FRS2: variants seen among roughly 807,000 people sequenced by gnomAD.
The protein encoded by FRS2 is FGFR signalling adaptor.
In FRS2, 8 loss-of-function variants were observed where a neutral mutation model predicts 43.9. The observed-to-expected ratio is 0.18, with a 90% CI of 0.11 to 0.33. The LOEUF is 0.33. Ranked by LOEUF, FRS2 falls within the 10% of genes least tolerant of loss-of-function variation. The probability of loss-of-function intolerance (pLI) is 1.00; values close to 1 mark genes in which losing one functional copy is unlikely to be tolerated. For missense variants in FRS2, 534 were observed against 627.6 expected, an observed-to-expected ratio of 0.85 and a Z score of 1.59; for synonymous variants, 219 against 220.3, an observed-to-expected ratio of 0.99 and a Z score of 0.05.
At chr12:69,559,523 A>G (rs1879707106) in intron 3 of FRS2, among the ~76,000 whole-genome samples, 1 of 152,140 alleles carries the variant, frequency 6.6e-6, no homozygotes, top group Admixed American at 6.6e-5. Flanking sequence ...TGGATGCTTA[A>G]AAATAGTCAC....
At chr12:69,495,265 A>C (rs1411332036) in intron 1 of FRS2, among the ~76,000 whole-genome samples, 1 of 152,200 alleles carries the variant, frequency 6.6e-6, no homozygotes, top group Non-Finnish European at 1.5e-5. Context: ...TGCTAAATAA[A>C]TACTTGCTAA....
intron 4 of FRS2, among the ~76,000 whole-genome samples, chr12:69,563,140 A>G (rs1322798899): frequency 3.3e-5 from 5 of 152,208 alleles, no homozygotes; most frequent in Non-Finnish European, 5.9e-5. Context: ...AGTGTTTACA[A>G]TATTAATGCA....
intron 1 of FRS2, among the ~76,000 whole-genome samples, chr12:69,481,538 C>T (rs189370679): frequency 4.6e-5 from 7 of 152,188 alleles, no homozygotes; most frequent in South Asian, 4.2e-4. Flanking sequence ...TATCCTGTCT[C>T]GGCCTCCCAA....
At chr12:69,572,617 C>T (rs1033154968) in intron 8 of FRS2, among the ~76,000 whole-genome samples, 1 of 152,116 alleles carries the variant, frequency 6.6e-6, no homozygotes, top group African/African-American at 2.4e-5. Flanking sequence ...CCATTATAGT[C>T]AGTGAACTAC....
intron 1 of FRS2, among the ~76,000 whole-genome samples, chr12:69,494,894 C>T (rs1398149744): frequency 6.6e-6 from 1 of 152,148 alleles, no homozygotes; most frequent in Non-Finnish European, 1.5e-5. Flanking sequence ...CTGTCTCAAC[C>T]TCCCGAGTAG....
At position 69,574,146 on chromosome 12, in the gene FRS2, C is replaced by T. The variant is rs764413571; in HGVS notation, c.718C>T (p.Pro240Ser). The T allele has an allele frequency of 1.6e-5, 26 of 1,613,912 alleles. No individual in the cohort carries two copies. In the East Asian group the frequency reaches 5.8e-4, roughly 36 times the overall value. ...EEPSSIEDRD[P>S]QILLEPEGVK... is the part of the protein sequence containing the mutation. ...ACCAAGTAGTATTGAGGACAGGGAT[C>T]CTCAGATTCTTCTTGAACCTGAAGG... Residue 240 changes from proline to serine, a missense_variant, in exon 9 of 9, where the codon CCT becomes TCT. This residue lies in a region of FRS2 where 446 missense variants were observed against 494.2 expected (regional missense o/e 0.90). Transcript: ENST00000549921.
chr12:69,564,983 A>G lies in FRS2; in HGVS notation c.-27+2709A>G, dbSNP rs187151286. 1.7e-3 allele frequency among the ~76,000 whole-genome samples: 256 copies of G among 152,258 alleles called. 1 individual carries two copies. The highest frequency in any genetic ancestry group is 5.4e-3 in the African/African-American group (225 of 41,552). The stretch of plus-strand genomic sequence containing the variant: ...TAGGTTGCACTGCCACTCATATATC[A>G]CTTAATGGTGGAGATTCCTTCTGAG... On this transcript the variant is annotated intron_variant, in intron 4 of 8. Transcript: ENST00000549921.
At chr12:69,491,034 C>T (rs1872430601) in intron 1 of FRS2, among the ~76,000 whole-genome samples, 1 of 152,236 alleles carries the variant, frequency 6.6e-6, no homozygotes, top group Non-Finnish European at 1.5e-5. Flanking sequence ...TTTCTGTCTA[C>T]TAGGTCCCAT....
chr12:69,491,462 G>A (rs1872477774), intron 1 of FRS2: 1 of 149,346 alleles, frequency 6.7e-6, no homozygotes, highest in Non-Finnish European at 1.5e-5. Flanking sequence ...TTCCTTTTTT[G>A]GTGGACATTA....
In FRS2 at chr12:69,574,872, A is replaced by G. The variant is rs1026016008; in HGVS notation, c.1444A>G (p.Met482Val). The G allele has an allele frequency of 1.7e-5, 27 of 1,613,972 alleles. No individual in the cohort carries two copies. The highest frequency in any genetic ancestry group is 2.3e-5 in the Non-Finnish European group (27 of 1,179,918). Residue 482 changes from methionine (M) to valine (V), a missense_variant, in exon 9 of 9, where the codon ATG becomes GTG. This residue lies in a region of FRS2 where 446 missense variants were observed against 494.2 expected (regional missense o/e 0.90). Coordinates refer to ENST00000549921, the MANE Select transcript of FRS2 (RefSeq NM_001278356.2). ...AVIDIERTAAMSNLQKALPRD... is the reference protein window; with the variant it reads ...AVIDIERTAAVSNLQKALPRD... ...GATAGACATCGAGAGAACTGCTGCT[A>G]TGTCAAATTTGCAGAAAGCACTGCC...
At chr12:69,474,474 A>G (rs1166127557) in intron 1 of FRS2, among the ~76,000 whole-genome samples, 1 of 152,240 alleles carries the variant, frequency 6.6e-6, no homozygotes, top group African/African-American at 2.4e-5. Context: ...AACAGAAGGA[A>G]ATATGCTAAG....
At chr12:69,538,680 C>T (rs1394856277) in intron 3 of FRS2, among the ~76,000 whole-genome samples, 1 of 152,128 alleles carries the variant, frequency 6.6e-6, no homozygotes, top group Non-Finnish European at 1.5e-5. Context: ...TTTTATTCCT[C>T]ACATTATACA....
At chr12:69,552,219 T>C (rs1878936392) in intron 3 of FRS2, among the ~76,000 whole-genome samples, 1 of 144,842 alleles carries the variant, frequency 6.9e-6, no homozygotes, top group African/African-American at 2.6e-5. Flanking sequence ...GGAGAATTGC[T>C]TGAACCTGGG....
chr12:69,555,056 C>CT (rs1339487524), intron 3 of FRS2, among the ~76,000 whole-genome samples: 2 of 149,074 alleles, frequency 1.3e-5, no homozygotes, highest in South Asian at 2.1e-4. Flanking sequence ...TTTCGTTTTT[C>CT]TTTTTTTTGA....
intron 1 of FRS2, among the ~76,000 whole-genome samples, chr12:69,509,481 G>A (rs907869112): frequency 6.6e-6 from 1 of 152,114 alleles, no homozygotes; most frequent in Non-Finnish European, 1.5e-5. Context: ...CCATTTTAAA[G>A]TGTACAGTTC....
At position 69,507,795 on chromosome 12, in the gene FRS2, C is replaced by T. The variant is rs552737640; in HGVS notation, c.-260-23070C>T. Among the ~76,000 whole-genome samples, 32 of 152,130 alleles carry T rather than the reference C, an allele frequency of 2.1e-4. No homozygotes were observed. The South Asian group carries it at 5.2e-3, about 25-fold the overall frequency. On this transcript the variant is annotated intron_variant, in intron 1 of 8. Transcript: ENST00000549921. The stretch of plus-strand genomic sequence containing the variant: ...ATCCCAGCACTTTGGGAGGCCCAGG[C>T]GGGCGGATCACCTTAGGTCGAAAGT...
At chr12:69,561,186 G>A (rs1004509997) in intron 3 of FRS2, among the ~76,000 whole-genome samples, 3 of 152,130 alleles carry the variant, frequency 2.0e-5, no homozygotes, top group African/African-American at 7.2e-5. Context: ...AGAAAAGAAA[G>A]GGTTAATAAA....
Position 69,574,284 on chromosome 12 carries a change from T to A in FRS2, c.856T>A (p.Trp286Arg), listed in dbSNP as rs771968641. 1 of 1,614,166 alleles carries A rather than the reference T, an allele frequency of 6.2e-7. No homozygotes were observed. Among genetic ancestry groups the A allele is most frequent in the Admixed American group, 1.7e-5 (1 of 60,026 alleles). ...VSGSGANNTE[W>R]DTGYDSDERR... The stretch of plus-strand genomic sequence containing the variant: ...TGGAAGTGGAGCAAATAACACAGAA[T>A]GGGACACTGGCTATGACAGTGATGA... The change falls in exon 9 of 9, where the codon TGG becomes AGG. Residue 286 changes from tryptophan (W) to arginine (R), a missense_variant. Transcript: ENST00000549921.
intron 1 of FRS2, among the ~76,000 whole-genome samples, chr12:69,521,546 A>G (rs894237273): frequency 2.0e-5 from 3 of 152,130 alleles, no homozygotes; most frequent in Admixed American, 1.3e-4. Context: ...GGTTTGTCAT[A>G]GATAGCTCTA....
Sources: gnomAD v4.1 joint callset for allele counts (sites outside exome capture counted in the v4.1 genomes callset) on GRCh38, gnomAD v4.1.1 for gene constraint, gnomAD v4.1.1 regional missense constraint, MANE v1.5 for transcripts, NCBI Gene and HGNC (gene_info 2026-07-23, HGNC 2026-07-21) for gene names.